VKORC1L1: variants seen among roughly 807,000 people sequenced by gnomAD.
VKORC1L1 encodes the protein vitamin K epoxide reductase complex subunit 1-like protein 1.
In VKORC1L1, 2 loss-of-function variants were observed where a neutral mutation model predicts 18.9. The ratio of observed to expected loss-of-function variants is 0.11; its 90% CI spans 0.04 to 0.33. The LOEUF is 0.33. VKORC1L1 is among the 10% of genes least tolerant of loss of function. VKORC1L1 has a pLI of 1.00. For missense variants in VKORC1L1, 123 were observed against 224.1 expected (o/e 0.55, Z 2.88); for synonymous variants, 96 against 100.0 (o/e 0.96, Z 0.24).
In VKORC1L1 at chr7:65,947,383, C is replaced by G. The variant is rs151030420; in HGVS notation, c.195-1288C>G. 9.4e-3 allele frequency among the ~76,000 whole-genome samples: 1,393 copies of G among 148,296 alleles called. 25 individuals carry two copies. The highest frequency in any genetic ancestry group is 0.031 in the African/African-American group (1,255 of 40,576). Reference sequence around the variant, plus strand: ...AACCAAAGTTTAGATTTTGTTTAGACTGATTCTCTACTGACTTAACACCAT... The same window carrying G: ...AACCAAAGTTTAGATTTTGTTTAGAGTGATTCTCTACTGACTTAACACCAT... On this transcript the variant is annotated intron_variant, in intron 1 of 2. Coordinates refer to ENST00000360768, the MANE Select transcript of VKORC1L1 (RefSeq NM_173517.6).
At chr7:65,947,667 A>T (rs1790144227) in intron 1 of VKORC1L1, among the ~76,000 whole-genome samples, 1 of 152,134 alleles carries the variant, frequency 6.6e-6, no homozygotes, top group African/African-American at 2.4e-5. Context: ...ATTCCAGGAA[A>T]GACCTATAGT....
At chr7:65,902,164 A>G (rs1284323387) in intron 1 of VKORC1L1, among the ~76,000 whole-genome samples, 1 of 152,256 alleles carries the variant, frequency 6.6e-6, no homozygotes, top group African/African-American at 2.4e-5. Flanking sequence ...GGAAAATGTG[A>G]TGTAATCAGG....
chr7:65,912,203 T>C (rs529072928), intron 1 of VKORC1L1, among the ~76,000 whole-genome samples: 24 of 152,352 alleles, frequency 1.6e-4, no homozygotes, highest in African/African-American at 5.8e-4. Context: ...AATGCATTCA[T>C]TTATAGGCGT....
chr7:65,915,598 G>A (rs995874772), intron 1 of VKORC1L1, among the ~76,000 whole-genome samples: 7 of 149,768 alleles, frequency 4.7e-5, no homozygotes, highest in East Asian at 2.0e-4. Flanking sequence ...TTCTCCCTTC[G>A]TCTCTCCATC....
At chr7:65,924,159 T>C (rs890066474) in intron 1 of VKORC1L1, among the ~76,000 whole-genome samples, 2 of 152,200 alleles carry the variant, frequency 1.3e-5, no homozygotes, top group Admixed American at 6.5e-5. Flanking sequence ...GAGATCAGTA[T>C]GTTCTAATAT....
chr7:65,872,937 C>G (rs1173853785), upstream of VKORC1L1, among the ~76,000 whole-genome samples: 2 of 151,164 alleles, frequency 1.3e-5, no homozygotes, highest in African/African-American at 2.4e-5. Flanking sequence ...CGCACTGGCC[C>G]GCTCGGCCCC....
intron 1 of VKORC1L1, among the ~76,000 whole-genome samples, chr7:65,914,570 G>A (rs544832826): frequency 2.6e-5 from 4 of 152,214 alleles, no homozygotes; most frequent in African/African-American, 7.2e-5. Flanking sequence ...TTCTCTCACA[G>A]CCCATATACC....
Position 65,873,475 on chromosome 7 carries a change from A to G in VKORC1L1, c.104A>G (p.His35Arg). The G allele has an allele frequency of 1.9e-6, 3 of 1,596,686 alleles. No individual in the cohort carries two copies. The highest frequency in any genetic ancestry group is 2.3e-4 in the Middle Eastern group (1 of 4,400). The change falls in exon 1 of 3, where the codon CAC becomes CGC. Residue 35 changes from histidine to arginine, a missense_variant. By Grantham distance (29) the His-to-Arg change is conservative. This residue lies in a region of VKORC1L1 where 60 missense variants were observed against 76.9 expected (regional missense o/e 0.78). Coordinates refer to ENST00000360768, the MANE Select transcript of VKORC1L1 (RefSeq NM_173517.6). Reference protein sequence around the residue: ...AGILLSIYAYHVEREKERDPE... With the variant: ...AGILLSIYAYRVEREKERDPE... ...ATCCTGCTCTCCATCTACGCCTACC[A>G]CGTGGAGCGGGAGAAGGAGCGGGAC... is the stretch of plus-strand genomic sequence containing the variant.
In VKORC1L1 at chr7:65,894,120, A is replaced by G. The variant is rs373602159; in HGVS notation, c.194+20555A>G. ...CAGGCACCTACTAGCACGCCCGACT[A>G]ATTTTTGTATTTTTAGTAGAGATGG... is the stretch of plus-strand genomic sequence containing the variant. On this transcript the variant is annotated intron_variant, in intron 1 of 2. Transcript: ENST00000360768. Among the ~76,000 whole-genome samples, 80 of 151,934 alleles carry G rather than the reference A, an allele frequency of 5.3e-4. 1 individual carries two copies. The highest frequency in any genetic ancestry group is 1.9e-3 in the African/African-American group (80 of 41,404).
chr7:65,943,064 G>C (rs1247539429), intron 1 of VKORC1L1, among the ~76,000 whole-genome samples: 1 of 152,044 alleles, frequency 6.6e-6, no homozygotes, highest in Non-Finnish European at 1.5e-5. Context: ...GAAAGTCTAC[G>C]AAATCATAGT....
chr7:65,930,820 G>A (rs942779871), intron 1 of VKORC1L1, among the ~76,000 whole-genome samples: 2 of 152,102 alleles, frequency 1.3e-5, no homozygotes, highest in Non-Finnish European at 2.9e-5. Flanking sequence ...TAGGGAGAAA[G>A]AATTTCGTCT....
intron 1 of VKORC1L1, among the ~76,000 whole-genome samples, chr7:65,945,159 G>T (rs1790098635): frequency 6.6e-6 from 1 of 151,778 alleles, no homozygotes; most frequent in Admixed American, 6.6e-5. Flanking sequence ...TACTCAAAAG[G>T]CTGAGGCAGG....
chr7:65,883,386 A>G (rs1405129415), intron 1 of VKORC1L1, among the ~76,000 whole-genome samples: 1 of 151,188 alleles, frequency 6.6e-6, no homozygotes, highest in Non-Finnish European at 1.5e-5. Flanking sequence ...CCTGACCTCA[A>G]ATGATCCACC....
chr7:65,894,972 G>T (rs1170458430), intron 1 of VKORC1L1, among the ~76,000 whole-genome samples: 1 of 152,166 alleles, frequency 6.6e-6, no homozygotes, highest in Admixed American at 6.5e-5. Flanking sequence ...GCTCATAAAA[G>T]AATTGAATAA....
At chr7:65,888,740 T>C (rs905119448) in intron 1 of VKORC1L1, among the ~76,000 whole-genome samples, 39 of 152,204 alleles carry the variant, frequency 2.6e-4, no homozygotes, top group Non-Finnish European at 4.4e-4. Flanking sequence ...ACAGTGATGC[T>C]GCCCAGTACA....
At chr7:65,936,961 C>T (rs1227784378) in intron 1 of VKORC1L1, among the ~76,000 whole-genome samples, 1 of 152,136 alleles carries the variant, frequency 6.6e-6, no homozygotes, top group Non-Finnish European at 1.5e-5. Flanking sequence ...GGGAAAGAGA[C>T]AGGCTTTGAG....
In VKORC1L1 at chr7:65,907,953, G is replaced by A. The variant is rs933077099; in HGVS notation, c.194+34388G>A. Among the ~76,000 whole-genome samples, 4 of 151,946 alleles carry A rather than the reference G, an allele frequency of 2.6e-5. No individual in the cohort carries two copies. In the East Asian group the frequency reaches 7.7e-4, roughly 29 times the overall value. On this transcript the variant is annotated intron_variant, in intron 1 of 2. Transcript: ENST00000360768. ...AACACTGGATTAAGTATGAAAATGTGCTCTGGTCCCAGCTTTGATTACTTA... is the reference window on the plus strand; with the variant it reads ...AACACTGGATTAAGTATGAAAATGTACTCTGGTCCCAGCTTTGATTACTTA...
upstream of VKORC1L1, among the ~76,000 whole-genome samples, chr7:65,869,410 G>A (rs1199518681): frequency 6.6e-6 from 1 of 152,136 alleles, no homozygotes; most frequent in Non-Finnish European, 1.5e-5. Flanking sequence ...TTGCCACAGA[G>A]GGCAAGTAGA....
At chr7:65,947,202 C>T (rs1790134626) in intron 1 of VKORC1L1, among the ~76,000 whole-genome samples, 1 of 152,120 alleles carries the variant, frequency 6.6e-6, no homozygotes, top group African/African-American at 2.4e-5. Context: ...ATCTTCATGG[C>T]TTTCACTTGT....
Sources: allele counts gnomAD v4.1 joint callset (sites outside exome capture counted in the v4.1 genomes callset), GRCh38; gene constraint gnomAD v4.1.1; regional missense constraint gnomAD v4.1.1; transcripts MANE v1.5; gene names NCBI Gene and HGNC (gene_info 2026-07-23, HGNC 2026-07-21).